The following LRCH2 variants were observed in gnomAD, a reference collection of about 807,000 sequenced individuals.
LRCH2 encodes leucine-rich repeat and calponin homology domain-containing protein 2.
A neutral mutation model predicts 68.9 loss-of-function variants in LRCH2; 38 were observed. The ratio of observed to expected loss-of-function variants is 0.55; its 90% CI spans 0.43 to 0.72. LRCH2 has a LOEUF of 0.72. LRCH2 is among the 30% of genes least tolerant of loss of function. The probability of loss-of-function intolerance (pLI) is 0.00; values close to 1 mark genes in which losing one functional copy is unlikely to be tolerated. For synonymous variants in LRCH2, 191 were observed against 208.1 expected (o/e 0.92, Z 0.71); for missense variants, 528 against 572.9 (o/e 0.92, Z 0.80).
At chrX:115,138,342 T>C (rs1164120095) in intron 14 of LRCH2, among the ~76,000 whole-genome samples, 1 of 111,799 alleles carries the variant, frequency 8.9e-6, no homozygotes, top group Non-Finnish European at 1.9e-5. Context: ...ATACCCTTTT[T>C]TGTTCAATCA....
At chrX:115,209,789 G>T (rs1429435503) in intron 1 of LRCH2, among the ~76,000 whole-genome samples, 2 of 111,960 alleles carry the variant, frequency 1.8e-5, no homozygotes, top group African/African-American at 3.2e-5. Flanking sequence ...TAATGATATG[G>T]ACAATGAAAC....
At chrX:115,206,239 A>C (rs1222366512) in intron 1 of LRCH2, among the ~76,000 whole-genome samples, 1 of 112,408 alleles carries the variant, frequency 8.9e-6, no homozygotes, top group Non-Finnish European at 1.9e-5. Context: ...ACACCACTTA[A>C]AATTATAATT....
chrX:115,157,229 T>G (rs2072482374), intron 11 of LRCH2, among the ~76,000 whole-genome samples: 1 of 106,182 alleles, frequency 9.4e-6, no homozygotes, highest in Non-Finnish European at 2.0e-5. Flanking sequence ...TAATTCTAAG[T>G]ATTAATCTCA....
chrX:115,193,956 G>A (rs1162772901), intron 1 of LRCH2, among the ~76,000 whole-genome samples: 1 of 111,526 alleles, frequency 9.0e-6, no homozygotes, highest in African/African-American at 3.3e-5. Flanking sequence ...GCCTCTGTCA[G>A]GAAGAGCATC....
intron 16 of LRCH2, among the ~76,000 whole-genome samples, chrX:115,125,831 ACTAATTTTAAGATATC>A (rs1321104536): frequency 9.3e-6 from 1 of 107,005 alleles, no homozygotes; most frequent in Non-Finnish European, 1.9e-5. Flanking sequence ...TATGACAAAG[ACTAATTTTAAGATATC>A]CTAATTTAAA....
At chrX:115,116,996 T>G (rs1346892954) in intron 20 of LRCH2, among the ~76,000 whole-genome samples, 1 of 111,355 alleles carries the variant, frequency 9.0e-6, no homozygotes, top group African/African-American at 3.2e-5. Context: ...AGCCAAAGAT[T>G]TGGATGCAAT....
chrX:115,126,776 ACT>A, intron 16 of LRCH2, 65 bp downstream of exon 16: 3 of 798,071 alleles, frequency 3.8e-6, no homozygotes, highest in Non-Finnish European at 5.2e-6. Flanking sequence ...GGCAAGGAAG[ACT>A]CTTATGTAAA....
chrX:115,166,686 G>A (rs928817370), intron 6 of LRCH2, among the ~76,000 whole-genome samples: 12 of 110,707 alleles, frequency 1.1e-4, no homozygotes, highest in Non-Finnish European at 2.3e-4. Flanking sequence ...ACAGAGCTTC[G>A]AAACATCTTT....
intron 14 of LRCH2, among the ~76,000 whole-genome samples, chrX:115,141,057 C>G (rs1260448400): frequency 2.8e-5 from 3 of 107,207 alleles, no homozygotes; most frequent in African/African-American, 1.0e-4. Flanking sequence ...ACGGTGAAAC[C>G]CCGTCTCTAC....
intron 1 of LRCH2, among the ~76,000 whole-genome samples, chrX:115,208,157 T>C (rs2147350222): frequency 8.9e-6 from 1 of 112,529 alleles, no homozygotes; most frequent in African/African-American, 3.2e-5. Context: ...TGTGATAATT[T>C]GTTATGGCAG....
chrX:115,191,844 G>A lies in LRCH2; in HGVS notation c.350-3474C>T, dbSNP rs1395944511. 10 of 1,151,336 alleles carry A rather than the reference G, an allele frequency of 8.7e-6. No individual in the cohort carries two copies. The African/African-American group carries it at 1.5e-4, about 17-fold the overall frequency. The allele number at this position is 1,151,336 out of a possible 1,213,427, so 94.9% of individuals were successfully genotyped here. On this transcript the variant is annotated intron_variant, in intron 1 of 20. Coordinates refer to ENST00000317135, the MANE Select transcript of LRCH2 (RefSeq NM_020871.4). ...GCCGCTCACCCAATGCCTACAGCGGGGGCCACAACAGTTCCAGCCGGAACG... is the reference window on the plus strand; with the variant it reads ...GCCGCTCACCCAATGCCTACAGCGGAGGCCACAACAGTTCCAGCCGGAACG...
chrX:115,138,437 A>G (rs1372086585), intron 14 of LRCH2, among the ~76,000 whole-genome samples: 1 of 111,730 alleles, frequency 9.0e-6, no homozygotes, highest in African/African-American at 3.3e-5. Flanking sequence ...TCATTTCTGA[A>G]GGATCCTGTG....
intron 1 of LRCH2, chrX:115,191,022 C>T (rs1245977104): frequency 1.3e-5 from 15 of 1,161,438 alleles, no homozygotes; most frequent in African/African-American, 1.1e-4. Context: ...GCCGTTCACC[C>T]GACACCCACA....
intron 15 of LRCH2, among the ~76,000 whole-genome samples, chrX:115,129,653 A>G (rs1033853094): frequency 2.7e-5 from 3 of 111,689 alleles, no homozygotes; most frequent in African/African-American, 6.5e-5. Context: ...AAAAATACAC[A>G]AAACTTAAGT....
In LRCH2 at chrX:115,165,928, G is replaced by C. The variant is rs1199138100; in HGVS notation, c.1111C>G (p.Leu371Val). The change falls in exon 8 of 21, where the codon CTT becomes GTT. Residue 371 changes from leucine to valine, a missense_variant. By Grantham distance (32) the Leu-to-Val change is conservative. Transcript: ENST00000317135. ...TEPSDDDTVS[L>V]HSQVSESNRE... is the part of the protein sequence containing the mutation. ...TTTGATTCTGAGACTTGAGAATGAA[G>C]GCTGACTGTGTCATCATCTGATGGC... 81 of 1,160,149 alleles carry C rather than the reference G, an allele frequency of 7.0e-5. No homozygotes were observed. Among genetic ancestry groups the C allele is most frequent in the Non-Finnish European group, 9.1e-5 (79 of 867,321 alleles).
At chrX:115,187,765 A>G (rs1175370227) in intron 2 of LRCH2, among the ~76,000 whole-genome samples, 2 of 112,868 alleles carry the variant, frequency 1.8e-5, no homozygotes, top group Admixed American at 1.9e-4. Context: ...ACCATCCTTG[A>G]AGTAGAAGCA....
At chrX:115,205,387 C>A (rs1193733761) in intron 1 of LRCH2, among the ~76,000 whole-genome samples, 2 of 112,131 alleles carry the variant, frequency 1.8e-5, no homozygotes, top group Non-Finnish European at 3.8e-5. Flanking sequence ...ATGACACATG[C>A]ATTTGTCAAA....
At chrX:115,180,034 G>A (rs182027325) in intron 3 of LRCH2, among the ~76,000 whole-genome samples, 7 of 110,517 alleles carry the variant, frequency 6.3e-5, no homozygotes, top group African/African-American at 2.3e-4. Context: ...ACTCATACCA[G>A]CCAAAACCAG....
At chrX:115,174,591 ACCCCC>A (rs59540810) in intron 5 of LRCH2, among the ~76,000 whole-genome samples, 6 of 88,808 alleles carry the variant, frequency 6.8e-5, no homozygotes, top group Non-Finnish European at 1.3e-4. Flanking sequence ...ACACAAACAC[ACCCCC>A]CCCCCCACAC....
Sources: gnomAD v4.1 joint callset for allele counts (sites outside exome capture counted in the v4.1 genomes callset) on GRCh38, gnomAD v4.1.1 for gene constraint, MANE v1.5 for transcripts, NCBI Gene and HGNC (gene_info 2026-07-23, HGNC 2026-07-21) for gene names.